CAMK1D: variants seen among roughly 807,000 people sequenced by gnomAD.
The protein encoded by CAMK1D is calcium/calmodulin-dependent protein kinase type 1D.
Under a neutral mutation model 47.7 loss-of-function variants are expected in CAMK1D, and 9 were observed. The ratio of observed to expected loss-of-function variants is 0.19; its 90% CI spans 0.11 to 0.33. CAMK1D has a LOEUF of 0.33. Ranked by LOEUF, CAMK1D falls within the 10% of genes least tolerant of loss-of-function variation. The probability of loss-of-function intolerance (pLI) is 1.00; values close to 1 mark genes in which losing one functional copy is unlikely to be tolerated. For missense variants in CAMK1D, 291 were observed against 488.7 expected, an observed-to-expected ratio of 0.60 and a Z score of 3.81; for synonymous variants, 184 against 184.9, an observed-to-expected ratio of 0.99 and a Z score of 0.04.
chr10:12,392,338 A>G (rs1053409972), intron 1 of CAMK1D, among the ~76,000 whole-genome samples: 4 of 151,916 alleles, frequency 2.6e-5, no homozygotes, highest in Admixed American at 1.3e-4. Flanking sequence ...AAAAACAAAA[A>G]ACATAACAAA....
intron 2 of CAMK1D, among the ~76,000 whole-genome samples, chr10:12,563,297 T>G (rs1475201013): frequency 6.6e-6 from 1 of 152,098 alleles, no homozygotes; most frequent in Non-Finnish European, 1.5e-5. Context: ...GAGGCTGCAG[T>G]GAGCTGTGAT....
At chr10:12,799,045 G>C (rs1294069560) in intron 6 of CAMK1D, among the ~76,000 whole-genome samples, 1 of 152,196 alleles carries the variant, frequency 6.6e-6, no homozygotes, top group Non-Finnish European at 1.5e-5. Context: ...GTGACGAAGA[G>C]AGTAGAGATG....
intron 1 of CAMK1D, among the ~76,000 whole-genome samples, chr10:12,521,938 T>C (rs1835429023): frequency 6.6e-6 from 1 of 151,992 alleles, no homozygotes; most frequent in Non-Finnish European, 1.5e-5. Context: ...CTCCCATCCT[T>C]TTAACTGACC....
chr10:12,703,052 C>G (rs372469215), intron 3 of CAMK1D, among the ~76,000 whole-genome samples: 1 of 152,262 alleles, frequency 6.6e-6, no homozygotes, highest in African/African-American at 2.4e-5. Flanking sequence ...AGAGTTGTTT[C>G]CAAAGAAGTT....
At chr10:12,489,770 G>A (rs910489750) in intron 1 of CAMK1D, among the ~76,000 whole-genome samples, 1 of 152,166 alleles carries the variant, frequency 6.6e-6, no homozygotes, top group Non-Finnish European at 1.5e-5. Flanking sequence ...CATCATTTCT[G>A]AGCTGTTATC....
chr10:12,694,006 T>A (rs1267659064), intron 3 of CAMK1D, among the ~76,000 whole-genome samples: 8 of 73,894 alleles, frequency 1.1e-4, no homozygotes, highest in African/African-American at 4.2e-4. Flanking sequence ...ATATATATAA[T>A]ATATATTAAA....
intron 3 of CAMK1D, among the ~76,000 whole-genome samples, chr10:12,740,336 C>T (rs1450665743): frequency 2.0e-5 from 3 of 152,200 alleles, no homozygotes; most frequent in African/African-American, 4.8e-5. Context: ...CAGTGGCTCA[C>T]GCCTGTAATC....
At chr10:12,788,997 A>G (rs542079853) in intron 5 of CAMK1D, among the ~76,000 whole-genome samples, 1 of 152,366 alleles carries the variant, frequency 6.6e-6, no homozygotes, top group South Asian at 2.1e-4. Context: ...TGCATCCCTC[A>G]CTGCCATAGG....
chr10:12,700,418 A>C (rs116984867), intron 3 of CAMK1D, among the ~76,000 whole-genome samples: 3,279 of 152,312 alleles, frequency 0.022, 48 homozygotes, highest in Non-Finnish European at 0.034. Context: ...CAGTATCATG[A>C]GAACAGCAGC....
intron 1 of CAMK1D, among the ~76,000 whole-genome samples, chr10:12,458,473 G>A (rs963104277): frequency 6.6e-6 from 1 of 152,124 alleles, no homozygotes. Context: ...CTGGAGTGCA[G>A]TAGCACGATC....
chr10:12,665,939 AAC>A (rs1403170166), intron 2 of CAMK1D, among the ~76,000 whole-genome samples: 10 of 152,270 alleles, frequency 6.6e-5, no homozygotes, highest in Admixed American at 6.5e-4. Flanking sequence ...GCGCTGGTCT[AAC>A]ACAGTATTTC....
intron 5 of CAMK1D, among the ~76,000 whole-genome samples, chr10:12,781,487 C>T (rs1837490044): frequency 1.3e-5 from 2 of 152,140 alleles, no homozygotes; most frequent in Non-Finnish European, 2.9e-5. Flanking sequence ...GTTCCTTAGC[C>T]TCACTCCTCC....
intron 2 of CAMK1D, among the ~76,000 whole-genome samples, chr10:12,627,152 G>A (rs1399627960): frequency 1.4e-5 from 2 of 142,616 alleles, no homozygotes; most frequent in Middle Eastern, 3.8e-3. Flanking sequence ...CTCGATCTCC[G>A]CTCACTGCAA....
intron 3 of CAMK1D, among the ~76,000 whole-genome samples, chr10:12,749,318 A>T (rs1835818336): frequency 6.6e-6 from 1 of 151,942 alleles, no homozygotes; most frequent in Non-Finnish European, 1.5e-5. Flanking sequence ...ATTAATACCA[A>T]CATAATGTGG....
chr10:12,553,148 C>G, intron 1 of CAMK1D, 77 bp from the exon 2 acceptor site: 9 of 1,598,798 alleles, frequency 5.6e-6, no homozygotes, highest in Non-Finnish European at 6.8e-6. Context: ...ACTCAAACTT[C>G]GGTGGTAGGG....
rs1378246643 is a variant in CAMK1D, at chr10:12,745,225, T to C, written c.300-15723T>C. ...TTTTGTATTTTTAGTAGAGACAGGG[T>C]TTCACCGTGTTAGCCAGGATGGTCT... is the stretch of plus-strand genomic sequence containing the variant. On this transcript the variant is annotated intron_variant, in intron 3 of 10. Coordinates refer to ENST00000619168, the MANE Select transcript of CAMK1D (RefSeq NM_153498.4). Among the ~76,000 whole-genome samples the C allele has an allele frequency of 2.6e-5, 4 of 152,124 alleles. No individual in the cohort carries two copies. In the East Asian group the frequency reaches 5.8e-4, roughly 22 times the overall value.
intron 3 of CAMK1D, among the ~76,000 whole-genome samples, chr10:12,741,391 A>G (rs1428503205): frequency 1.3e-5 from 2 of 152,224 alleles, no homozygotes; most frequent in African/African-American, 2.4e-5. Flanking sequence ...GGACAGCCAG[A>G]AAGGCACTGA....
At chr10:12,621,369 T>C (rs1838991641) in intron 2 of CAMK1D, among the ~76,000 whole-genome samples, 1 of 152,240 alleles carries the variant, frequency 6.6e-6, no homozygotes, top group Admixed American at 6.5e-5. Context: ...AGAATTGGCA[T>C]CTTTACTATG....
At chr10:12,509,383 G>C (rs188864995) in intron 1 of CAMK1D, among the ~76,000 whole-genome samples, 49 of 152,322 alleles carry the variant, frequency 3.2e-4, no homozygotes, top group African/African-American at 1.0e-3. Flanking sequence ...CTGTGAATTT[G>C]CTTGTCTGGA....
Sources: allele counts gnomAD v4.1 joint callset (sites outside exome capture counted in the v4.1 genomes callset), GRCh38; gene constraint gnomAD v4.1.1; transcripts MANE v1.5; gene names NCBI Gene and HGNC (gene_info 2026-07-23, HGNC 2026-07-21).